The following SHANK2 variants were observed in gnomAD, a reference collection of about 807,000 sequenced individuals.
The protein encoded by SHANK2 is SH3 and multiple ankyrin repeat domains 2.
SHANK2 carries 43 observed loss-of-function variants against 133.7 expected under a neutral mutation model. That is an observed-to-expected ratio of 0.32 (90% CI 0.25 to 0.41). The LOEUF is 0.41. SHANK2 is among the 10% of genes least tolerant of loss of function. SHANK2 has a pLI of 1.00. For missense variants in SHANK2, 1,994 were observed against 2,235.8 expected (o/e 0.89, Z 2.18); for synonymous variants, 1,017 against 952.8 (o/e 1.07, Z -1.24).
intron 11 of SHANK2, among the ~76,000 whole-genome samples, chr11:70,873,720 C>A (rs1410435454): frequency 6.6e-6 from 1 of 151,886 alleles, no homozygotes; most frequent in Non-Finnish European, 1.5e-5. Flanking sequence ...TCACAGCCAG[C>A]CATTGCTTCC....
chr11:70,792,450 G>A (rs1277108732), intron 14 of SHANK2, among the ~76,000 whole-genome samples: 1 of 144,634 alleles, frequency 6.9e-6, no homozygotes, highest in Non-Finnish European at 1.5e-5. Flanking sequence ...CAACCAACGA[G>A]GACCACCATT....
intron 6 of SHANK2, among the ~76,000 whole-genome samples, chr11:71,107,111 T>C (rs1227567144): frequency 6.6e-6 from 1 of 151,156 alleles, no homozygotes; most frequent in Non-Finnish European, 1.5e-5. Context: ...GGAGACCCTG[T>C]CTCAAAAAAA....
chr11:70,829,717 A>G (rs1555057884), intron 11 of SHANK2, among the ~76,000 whole-genome samples: 1 of 152,196 alleles, frequency 6.6e-6, no homozygotes, highest in African/African-American at 2.4e-5. Flanking sequence ...AATTCTTTCA[A>G]TAAGCAGACA....
At chr11:70,949,211 G>C (rs1950797986) in intron 10 of SHANK2, among the ~76,000 whole-genome samples, 6 of 152,228 alleles carry the variant, frequency 3.9e-5, no homozygotes, top group Admixed American at 3.9e-4. Flanking sequence ...AATCGAAGCT[G>C]ATACTCCCTC....
At chr11:71,183,169 T>C (rs55788978) in intron 2 of SHANK2, among the ~76,000 whole-genome samples, 5,696 of 152,294 alleles carry the variant, frequency 0.037, 288 homozygotes, top group East Asian at 0.16. Context: ...AAAGAGGCTC[T>C]GCAGGCTGGG....
At chr11:71,077,012 GAGAAAGA>G (rs1417745999) in intron 8 of SHANK2, among the ~76,000 whole-genome samples, 2 of 152,182 alleles carry the variant, frequency 1.3e-5, no homozygotes, top group African/African-American at 2.4e-5. Context: ...GAAAGAAAGA[GAGAAAGA>G]GAGGAGACAG....
intron 17 of SHANK2, among the ~76,000 whole-genome samples, chr11:70,539,414 G>A (rs904462939): frequency 2.0e-5 from 3 of 151,876 alleles, no homozygotes; most frequent in African/African-American, 4.8e-5. Context: ...TCCGAGTCGG[G>A]GTGCCCAACA....
intron 17 of SHANK2, among the ~76,000 whole-genome samples, chr11:70,646,005 C>T (rs542860794): frequency 3.3e-5 from 5 of 152,286 alleles, no homozygotes; most frequent in South Asian, 4.1e-4. Context: ...CACTGCTGAG[C>T]GTGGAAGGGG....
intron 2 of SHANK2, among the ~76,000 whole-genome samples, chr11:71,190,501 T>C (rs1555115202): frequency 6.6e-6 from 1 of 151,610 alleles, no homozygotes; most frequent in Non-Finnish European, 1.5e-5. Flanking sequence ...AGAAGAAGTG[T>C]GGCTCACCAT....
rs1456613886 is a variant in SHANK2 at position 70,467,998 on chromosome 11, C to T, written c.*4871G>A. On this transcript the variant is annotated 3_prime_UTR_variant, in exon 26 of 26. Coordinates refer to ENST00000601538, the MANE Select transcript of SHANK2 (RefSeq NM_012309.5). Reference sequence around the variant, plus strand: ...TCTTTACGTTGTGCATTGATATGGGCTTCTCAGTTCAGAAAACAAGGCACT... The same window carrying T: ...TCTTTACGTTGTGCATTGATATGGGTTTCTCAGTTCAGAAAACAAGGCACT... 6.6e-6 allele frequency: 1 copy of T among 152,614 alleles called. No individual in the cohort carries two copies. Among genetic ancestry groups the T allele is most frequent in the Admixed American group, 6.5e-5 (1 of 15,280 alleles). 9.5% of individuals were successfully genotyped at this position (152,614 alleles called of 1,614,324 possible).
intron 17 of SHANK2, among the ~76,000 whole-genome samples, chr11:70,563,769 C>A (rs1027508325): frequency 6.6e-6 from 1 of 152,080 alleles, no homozygotes. Flanking sequence ...AACTCCCGAC[C>A]CCAGGCACTG....
intron 14 of SHANK2, among the ~76,000 whole-genome samples, chr11:70,709,189 T>G (rs912185089): frequency 5.9e-5 from 9 of 152,152 alleles, no homozygotes; most frequent in African/African-American, 2.2e-4. Flanking sequence ...ACAGCCTGGG[T>G]GGCAGAGTGA....
At chr11:70,955,304 T>C (rs542866255) in intron 10 of SHANK2, among the ~76,000 whole-genome samples, 1 of 152,212 alleles carries the variant, frequency 6.6e-6, no homozygotes, top group Non-Finnish European at 1.5e-5. Flanking sequence ...CTAAAGTCCC[T>C]GTATCCAAAA....
intron 10 of SHANK2, among the ~76,000 whole-genome samples, chr11:70,902,345 G>A (rs994777032): frequency 2.0e-5 from 3 of 152,234 alleles, no homozygotes; most frequent in African/African-American, 7.2e-5. Flanking sequence ...GGATCTCAAA[G>A]GAAAGGGAGG....
chr11:70,909,384 A>G (rs1391810772), intron 10 of SHANK2, among the ~76,000 whole-genome samples: 3 of 152,200 alleles, frequency 2.0e-5, no homozygotes, highest in Non-Finnish European at 4.4e-5. Context: ...TCTGGGGATT[A>G]CAGATGTTGC....
chr11:70,490,375 G>A lies in SHANK2; in HGVS notation c.2452C>T (p.Arg818Cys), dbSNP rs781922255. 1.6e-5 allele frequency: 26 copies of A among 1,614,032 alleles called. No homozygotes were observed. The highest frequency in any genetic ancestry group is 1.6e-4 in the Middle Eastern group (1 of 6,084). Residue 818 changes from arginine to cysteine, a missense_variant, in exon 23 of 26, where the codon CGC (arginine) becomes TGC (cysteine). Transcript: ENST00000601538. ...AGSDMNSVYE[R>C]QGIAVMTPTV... ...GGCGTCATCACGGCGATTCCTTGGC[G>A]TTCGTACACAGACTGCAAACCAGAG...
At chr11:71,066,625 T>G (rs1382711263) in intron 9 of SHANK2, among the ~76,000 whole-genome samples, 1 of 152,168 alleles carries the variant, frequency 6.6e-6, no homozygotes, top group Non-Finnish European at 1.5e-5. Flanking sequence ...TGTCTTCACT[T>G]AAATGTCACA....
At chr11:70,816,411 A>G (rs991875669) in intron 12 of SHANK2, among the ~76,000 whole-genome samples, 22 of 152,268 alleles carry the variant, frequency 1.4e-4, no homozygotes, top group Admixed American at 5.9e-4. Context: ...TTCAGACAGG[A>G]GGAAGTGGGG....
At chr11:71,095,327 C>T (rs1162209721) in intron 6 of SHANK2, among the ~76,000 whole-genome samples, 6 of 152,230 alleles carry the variant, frequency 3.9e-5, no homozygotes, top group Non-Finnish European at 5.9e-5. Flanking sequence ...GACCCTGGAC[C>T]AGTCTGCAGA....
Sources: gnomAD v4.1 joint callset for allele counts (sites outside exome capture counted in the v4.1 genomes callset) on GRCh38, gnomAD v4.1.1 for gene constraint, MANE v1.5 for transcripts, NCBI Gene and HGNC (gene_info 2026-07-23, HGNC 2026-07-21) for gene names.